The following GABRA5 variants were observed in gnomAD, a reference collection of about 807,000 sequenced individuals.
GABRA5 encodes gamma-aminobutyric acid receptor subunit alpha-5.
GABRA5 carries 18 observed loss-of-function variants against 47.3 expected under a neutral mutation model. The ratio of observed to expected loss-of-function variants is 0.38; its 90% CI spans 0.26 to 0.56. The LOEUF is 0.56. Ranked by LOEUF, GABRA5 falls within the 20% of genes least tolerant of loss-of-function variation. The probability of loss-of-function intolerance (pLI) is 0.71; values close to 1 mark genes in which losing one functional copy is unlikely to be tolerated. For synonymous variants in GABRA5, 237 were observed against 229.3 expected, an observed-to-expected ratio of 1.03 and a Z score of -0.30; for missense variants, 365 against 599.3, an observed-to-expected ratio of 0.61 and a Z score of 4.08.
intron 6 of GABRA5, among the ~76,000 whole-genome samples, chr15:26,912,365 G>A (rs2140292288): frequency 6.6e-6 from 1 of 152,308 alleles, no homozygotes; most frequent in Non-Finnish European, 1.5e-5. Context: ...TGCATCACTT[G>A]ACAAATTTGC....
At chr15:26,927,357 C>T (rs1893986100) in intron 7 of GABRA5, among the ~76,000 whole-genome samples, 1 of 151,832 alleles carries the variant, frequency 6.6e-6, no homozygotes, top group Non-Finnish European at 1.5e-5. Context: ...CGTGATCCAC[C>T]CACCTCGGCC....
chr15:26,915,053 A>G (rs1393530668), intron 7 of GABRA5, among the ~76,000 whole-genome samples, 168 bp downstream of exon 7: 1 of 152,230 alleles, frequency 6.6e-6, no homozygotes, highest in Non-Finnish European at 1.5e-5. Context: ...CTTGTCTGCA[A>G]AATGGGGTCA....
chr15:26,913,847 G>A (rs1477664304), intron 6 of GABRA5, among the ~76,000 whole-genome samples: 3 of 152,310 alleles, frequency 2.0e-5, no homozygotes, highest in East Asian at 3.9e-4. Context: ...GCCTGTGGTG[G>A]TGCCTTTCAG....
At chr15:26,935,476 G>T (rs1390984228) in intron 7 of GABRA5, among the ~76,000 whole-genome samples, 1 of 152,212 alleles carries the variant, frequency 6.6e-6, no homozygotes, top group Non-Finnish European at 1.5e-5. Context: ...GAGGCCTCAG[G>T]TCAGGCTGGC....
chr15:26,879,829 A>AG (rs1030346109), intron 3 of GABRA5, among the ~76,000 whole-genome samples: 1 of 152,184 alleles, frequency 6.6e-6, no homozygotes, highest in African/African-American at 2.4e-5. Context: ...ACTTCAGGGA[A>AG]GTACCAGGAA....
intron 6 of GABRA5, among the ~76,000 whole-genome samples, chr15:26,892,228 T>C (rs1394253521): frequency 6.6e-6 from 1 of 152,228 alleles, no homozygotes; most frequent in Non-Finnish European, 1.5e-5. Flanking sequence ...CACTTTAAAA[T>C]TAAGGTCGAA....
chr15:26,914,912 T>C, intron 7 of GABRA5, 27 bp downstream of exon 7: 1 of 1,573,852 alleles, frequency 6.4e-7, no homozygotes, highest in Non-Finnish European at 8.7e-7. Flanking sequence ...AGTAAGAGCC[T>C]TGGACATATA....
chr15:26,927,945 C>T (rs1894000510), intron 7 of GABRA5, among the ~76,000 whole-genome samples: 2 of 152,108 alleles, frequency 1.3e-5, no homozygotes, highest in African/African-American at 4.8e-5. Flanking sequence ...TTAGTCTCAG[C>T]TTACAAAAGG....
At chr15:26,917,885 T>C (rs892940583) in intron 7 of GABRA5, among the ~76,000 whole-genome samples, 9 of 152,184 alleles carry the variant, frequency 5.9e-5, no homozygotes, top group Middle Eastern at 3.4e-3. Flanking sequence ...GTCTTTTTAT[T>C]TCTGTGGCAT....
At chr15:26,914,954 G>A in intron 7 of GABRA5, 69 bp downstream of exon 7, 2 of 1,272,514 alleles carry the variant, frequency 1.6e-6, no homozygotes, top group African/African-American at 1.5e-5. Flanking sequence ...TTATTCAGAA[G>A]AATTTAGGTT....
At chr15:26,918,490 C>T (rs1893768453) in intron 7 of GABRA5, among the ~76,000 whole-genome samples, 1 of 152,096 alleles carries the variant, frequency 6.6e-6, no homozygotes. Context: ...TGTTCCAGCC[C>T]ACTGTACCTC....
rs568088698 is a variant in GABRA5 at position 26,880,902 on chromosome 15, T to C, written c.143T>C (p.Ile48Thr). ...VKDETNDNIT[I>T]FTRILDGLLD... ...GATGAGACCAATGACAACATCACGA[T>C]ATTTACCAGGATCTTGGATGGGCTC... Residue 48 changes from isoleucine to threonine, a missense_variant, in exon 4 of 11, where the codon ATA (isoleucine) becomes ACA (threonine). Physicochemically the swap from Ile to Thr is moderately conservative, Grantham distance 89. Around this residue, in one of 3 missense-constraint regions of GABRA5, gnomAD observed 216 missense variants for 335.3 expected, o/e 0.64. Coordinates refer to ENST00000335625, the MANE Select transcript of GABRA5 (RefSeq NM_000810.4). 1 of 1,613,972 alleles carries C rather than the reference T, an allele frequency of 6.2e-7. No individual in the cohort carries two copies. The highest frequency in any genetic ancestry group is 2.2e-5 in the East Asian group (1 of 44,878).
At chr15:26,931,008 G>C (rs2140566829) in intron 7 of GABRA5, among the ~76,000 whole-genome samples, 1 of 148,616 alleles carries the variant, frequency 6.7e-6, no homozygotes, top group Admixed American at 6.8e-5. Context: ...CAATTCTCCT[G>C]CCTCAGCCTC....
chr15:26,898,063 C>T (rs1406975139), intron 6 of GABRA5, among the ~76,000 whole-genome samples: 1 of 152,106 alleles, frequency 6.6e-6, no homozygotes, highest in South Asian at 2.1e-4. Context: ...GATAGACTGA[C>T]ATAAAATGAG....
intron 1 of GABRA5, chr15:26,868,133 A>T (rs979301569): frequency 6.6e-6 from 1 of 151,828 alleles, no homozygotes; most frequent in African/African-American, 2.4e-5. Flanking sequence ...GGGTCGTGGG[A>T]GCGCAGCCTC....
At chr15:26,943,168 C>T in intron 9 of GABRA5, 47 bp from the exon 10 acceptor site, 1 of 1,440,342 alleles carries the variant, frequency 6.9e-7, no homozygotes, top group South Asian at 1.2e-5. Flanking sequence ...GGTGCCAGCA[C>T]TGACCCCTGT....
intron 7 of GABRA5, among the ~76,000 whole-genome samples, chr15:26,936,715 C>T (rs563191255): frequency 6.6e-6 from 1 of 152,276 alleles, no homozygotes; most frequent in Non-Finnish European, 1.5e-5. Context: ...GTAGGGAATG[C>T]GGCCGGGCGC....
At chr15:26,895,826 A>AAAAAAAAAAAAAAAGAAG (rs1458730535) in intron 6 of GABRA5, among the ~76,000 whole-genome samples, 8 of 136,056 alleles carry the variant, frequency 5.9e-5, no homozygotes, top group African/African-American at 2.0e-4. Context: ...AAAAAAAAAA[A>AAAAAAAAAAAAAAAGAAG]AAGAAGAAGA....
chr15:26,947,844 C>T, intron 10 of GABRA5, 90 bp from the exon 11 acceptor site: 1 of 1,200,104 alleles, frequency 8.3e-7, no homozygotes. Context: ...AGGTGTTTCT[C>T]TCTTTTGAGA....
Sources: allele counts gnomAD v4.1 joint callset (sites outside exome capture counted in the v4.1 genomes callset), GRCh38; gene constraint gnomAD v4.1.1; regional missense constraint gnomAD v4.1.1; transcripts MANE v1.5; gene names NCBI Gene and HGNC (gene_info 2026-07-23, HGNC 2026-07-21).